The following ADGRB3 variants were observed in gnomAD, a reference collection of about 807,000 sequenced individuals.
ADGRB3 encodes the protein brain-specific angiogenesis inhibitor 3.
Under a neutral mutation model 193.4 loss-of-function variants are expected in ADGRB3, and 37 were observed. The observed-to-expected ratio is 0.19, with a 90% CI of 0.15 to 0.25. The LOEUF is 0.25. Among genes scored for constraint, ADGRB3 ranks in the 10% least tolerant of loss-of-function variants. The probability of loss-of-function intolerance (pLI) is 1.00; values close to 1 mark genes in which losing one functional copy is unlikely to be tolerated. For missense variants in ADGRB3, 1,637 were observed against 1,852.9 expected, an observed-to-expected ratio of 0.88 and a Z score of 2.14; for synonymous variants, 690 against 644.2, an observed-to-expected ratio of 1.07 and a Z score of -1.08.
chr6:68,679,556 A>G (rs906753310), intron 3 of ADGRB3, among the ~76,000 whole-genome samples: 7 of 152,186 alleles, frequency 4.6e-5, no homozygotes, highest in African/African-American at 1.7e-4. Context: ...GAAAAAAAAA[A>G]TACATGAAAG....
intron 3 of ADGRB3, among the ~76,000 whole-genome samples, chr6:68,705,792 C>T (rs762988936): frequency 6.6e-6 from 1 of 152,124 alleles, no homozygotes; most frequent in Non-Finnish European, 1.5e-5. Flanking sequence ...TCAGCATAGT[C>T]CTGGAGTCAG....
At chr6:69,168,099 T>C in intron 17 of ADGRB3, among the ~76,000 whole-genome samples, 1 of 152,094 alleles carries the variant, frequency 6.6e-6, no homozygotes, top group Non-Finnish European at 1.5e-5. Context: ...GAAAAGAAAT[T>C]TACACATTGT....
intron 3 of ADGRB3, among the ~76,000 whole-genome samples, chr6:68,768,614 T>A (rs1239792690): frequency 6.6e-6 from 1 of 152,014 alleles, no homozygotes; most frequent in Non-Finnish European, 1.5e-5. Flanking sequence ...GCAATATCAT[T>A]CAGGACATAG....
chr6:69,140,653 G>T (rs1032411011), intron 17 of ADGRB3, among the ~76,000 whole-genome samples: 3 of 152,132 alleles, frequency 2.0e-5, no homozygotes, highest in African/African-American at 7.2e-5. Flanking sequence ...TAAAAATATA[G>T]TTGAATCATT....
intron 17 of ADGRB3, among the ~76,000 whole-genome samples, chr6:69,171,989 T>C (rs1775282682): frequency 1.3e-5 from 2 of 152,152 alleles, no homozygotes; most frequent in Admixed American, 6.5e-5. Flanking sequence ...ATTACATATG[T>C]CTTCCTGGAA....
intron 3 of ADGRB3, among the ~76,000 whole-genome samples, chr6:68,730,153 A>T (rs1211068151): frequency 1.3e-5 from 2 of 151,682 alleles, no homozygotes; most frequent in Non-Finnish European, 3.0e-5. Context: ...TGAATACTTA[A>T]ATTCTTATAT....
intron 15 of ADGRB3, among the ~76,000 whole-genome samples, chr6:69,061,322 A>T (rs1771743532): frequency 6.6e-6 from 1 of 151,960 alleles, no homozygotes; most frequent in Non-Finnish European, 1.5e-5. Context: ...ACCACGGAAT[A>T]ACTCCGCATT....
intron 26 of ADGRB3, among the ~76,000 whole-genome samples, chr6:69,345,964 GACAA>G (rs1430745764): frequency 5.3e-5 from 8 of 152,068 alleles, no homozygotes; most frequent in East Asian, 3.9e-4. Context: ...ACCAATAATA[GACAA>G]ACAGAGAGCC....
At position 69,235,041 on chromosome 6, in the gene ADGRB3, T is replaced by A; in HGVS notation, c.2617T>A (p.Ser873Thr). 1 of 1,610,702 alleles carries A rather than the reference T, an allele frequency of 6.2e-7. No homozygotes were observed. The highest frequency in any genetic ancestry group is 8.5e-7 in the Non-Finnish European group (1 of 1,177,532). ...AQQPREIIMESSGTPSVTLIV... is the reference protein window; with the variant it reads ...AQQPREIIMETSGTPSVTLIV... ...TTTGTTTAATTCACAGATCATGGAA[T>A]CCTCTGGCACACCTTCAGTTACCCT... The change falls in exon 19 of 32, where the codon TCC becomes ACC. Residue 873 changes from serine to threonine, a missense_variant. By Grantham distance (58) the Ser-to-Thr change is moderately conservative. Coordinates refer to ENST00000370598, the MANE Select transcript of ADGRB3 (RefSeq NM_001704.3).
intron 28 of ADGRB3, 21 bp from the exon 29 acceptor site, chr6:69,360,848 A>T: frequency 6.4e-7 from 1 of 1,551,566 alleles, no homozygotes; most frequent in Non-Finnish European, 8.7e-7. Flanking sequence ...TCTTTCTTCA[A>T]CTTTACATTC....
At chr6:69,271,833 T>G (rs564557887) in intron 20 of ADGRB3, among the ~76,000 whole-genome samples, 1 of 152,300 alleles carries the variant, frequency 6.6e-6, no homozygotes, top group African/African-American at 2.4e-5. Context: ...GCCTTATTGT[T>G]TGTTTTTTGC....
In ADGRB3 at chr6:68,690,926, T is replaced by A. The variant is rs926000242; in HGVS notation, c.757+51494T>A. ...TAAGGAAAGGAAAAGACTATACAAA[T>A]AACTTTTAAGGAATTCTAATAATCA... On this transcript the variant is annotated intron_variant, in intron 3 of 31. Coordinates refer to ENST00000370598, the MANE Select transcript of ADGRB3 (RefSeq NM_001704.3). Among the ~76,000 whole-genome samples, 10 of 152,126 alleles carry A rather than the reference T, an allele frequency of 6.6e-5. 1 individual carries two copies. The highest frequency in any genetic ancestry group is 2.4e-4 in the African/African-American group (10 of 41,452).
chr6:68,975,565 A>T (rs1768718997), intron 10 of ADGRB3, among the ~76,000 whole-genome samples: 1 of 152,088 alleles, frequency 6.6e-6, no homozygotes, highest in South Asian at 2.1e-4. Flanking sequence ...AAATGAAAGA[A>T]CCCTTTGTCT....
At chr6:68,955,264 A>C (rs2150256197) in intron 6 of ADGRB3, among the ~76,000 whole-genome samples, 1 of 152,278 alleles carries the variant, frequency 6.6e-6, no homozygotes, top group Non-Finnish European at 1.5e-5. Flanking sequence ...GACCTTCCAA[A>C]GTCTTATCTC....
chr6:68,791,049 T>TA (rs35408314), intron 3 of ADGRB3, among the ~76,000 whole-genome samples: 32,984 of 96,878 alleles, frequency 0.34, 5,185 homozygotes, highest in African/African-American at 0.53. Context: ...CCACATCTCT[T>TA]AAAAAAAAAA....
At chr6:69,105,325 C>G (rs952652490) in intron 17 of ADGRB3, among the ~76,000 whole-genome samples, 8 of 152,168 alleles carry the variant, frequency 5.3e-5, no homozygotes, top group African/African-American at 1.9e-4. Context: ...CTGGTACTGA[C>G]TTCACTTTGG....
At chr6:68,693,073 C>G (rs1483201481) in intron 3 of ADGRB3, among the ~76,000 whole-genome samples, 1 of 151,600 alleles carries the variant, frequency 6.6e-6, no homozygotes, top group Non-Finnish European at 1.5e-5. Context: ...ATTTAGAACA[C>G]TTTGGAACTG....
At chr6:68,638,601 T>A in intron 2 of ADGRB3, 60 bp from the exon 3 acceptor site, 2 of 1,470,386 alleles carry the variant, frequency 1.4e-6, no homozygotes, top group Non-Finnish European at 1.8e-6. Flanking sequence ...TGAAAGGAGT[T>A]TATTTTCTCA....
intron 3 of ADGRB3, among the ~76,000 whole-genome samples, chr6:68,920,137 G>A (rs1766994050): frequency 6.6e-6 from 1 of 152,076 alleles, no homozygotes; most frequent in African/African-American, 2.4e-5. Context: ...GTACTGAAGG[G>A]GAACACAGAG....
Sources: allele counts gnomAD v4.1 joint callset (sites outside exome capture counted in the v4.1 genomes callset), GRCh38; gene constraint gnomAD v4.1.1; transcripts MANE v1.5; gene names NCBI Gene and HGNC (gene_info 2026-07-23, HGNC 2026-07-21).